The following COL4A4 variants were observed in gnomAD, a reference collection of about 807,000 sequenced individuals.
COL4A4 encodes collagen alpha-4(IV) chain.
Under a neutral mutation model 192.9 loss-of-function variants are expected in COL4A4, and 105 were observed. That is an observed-to-expected ratio of 0.54 (90% CI 0.46 to 0.64). The LOEUF (loss-of-function observed/expected upper bound fraction) is 0.64. Among genes scored for constraint, COL4A4 ranks in the 30% least tolerant of loss-of-function variants. The probability of loss-of-function intolerance (pLI) is 0.00; values close to 1 mark genes in which losing one functional copy is unlikely to be tolerated. For missense variants in COL4A4, 1,967 were observed against 2,169.3 expected, an observed-to-expected ratio of 0.91 and a Z score of 1.85; for synonymous variants, 762 against 769.9, an observed-to-expected ratio of 0.99 and a Z score of 0.17.
intron 1 of COL4A4, among the ~76,000 whole-genome samples, chr2:227,148,013 T>G (rs1418046393): frequency 6.6e-6 from 1 of 152,142 alleles, no homozygotes; most frequent in Non-Finnish European, 1.5e-5. Context: ...CATACATTTT[T>G]GTATATTTGT....
At chr2:226,997,393 G>T in the COL4A4 span, 12 of 152,042 alleles carry the variant, frequency 7.9e-5, no homozygotes, top group Non-Finnish European at 1.8e-4. Context: ...AACACATCTT[G>T]CCCCTATTAT....
At chr2:227,053,550 T>C (rs1273779789) in intron 31 of COL4A4, among the ~76,000 whole-genome samples, 14 of 143,062 alleles carry the variant, frequency 9.8e-5, no homozygotes, top group Non-Finnish European at 1.5e-4. Context: ...TTTCTTTTTT[T>C]TTTTTTTTTT....
intron 17 of COL4A4, 94 bp from the exon 18 acceptor site, chr2:227,099,783 T>G: frequency 9.4e-7 from 1 of 1,067,774 alleles, no homozygotes. Flanking sequence ...ATGTGCACAT[T>G]CATATAAGAA....
intron 44 of COL4A4, among the ~76,000 whole-genome samples, chr2:227,021,298 G>A (rs1340698497): frequency 6.6e-6 from 1 of 152,114 alleles, no homozygotes; most frequent in Non-Finnish European, 1.5e-5. Flanking sequence ...CTGCCAAAAC[G>A]TACAGCAAGA....
At chr2:227,117,659 AT>A (rs1403632730) in intron 7 of COL4A4, among the ~76,000 whole-genome samples, 1 of 151,798 alleles carries the variant, frequency 6.6e-6, no homozygotes, top group Non-Finnish European at 1.5e-5. Flanking sequence ...AAAAAAAAAA[AT>A]CACAGAAAAA....
chr2:227,060,101 G>GAAAAAACAAAAA, intron 27 of COL4A4, 35 bp downstream of exon 27: 1 of 503,760 alleles, frequency 2.0e-6, no homozygotes, highest in Non-Finnish European at 3.1e-6. Flanking sequence ...TCCCAAAGCA[G>GAAAAAACAAAAA]AAAAAAAAAA....
At chr2:227,020,884 T>C (rs910900215) in intron 44 of COL4A4, among the ~76,000 whole-genome samples, 6 of 146,124 alleles carry the variant, frequency 4.1e-5, no homozygotes, top group Non-Finnish European at 4.5e-5. Flanking sequence ...TTTTTTCTTT[T>C]TTTTTTTTTT....
chr2:226,969,112 A>C, the COL4A4 span: 1 of 185,842 alleles, frequency 5.4e-6, no homozygotes, highest in Non-Finnish European at 1.2e-5. Context: ...TACTCTTCCC[A>C]TGTCAGAACA....
In COL4A4 at chr2:227,101,875, G is replaced by A. The variant is rs1254001825; in HGVS notation, c.965C>T (p.Pro322Leu). The A allele has an allele frequency of 1.3e-6, 2 of 1,592,448 alleles. No homozygotes were observed. Among genetic ancestry groups the A allele is most frequent in the Middle Eastern group, 1.7e-4 (1 of 5,976 alleles). ...DPGSYGSPGF[P>L]GLKGELGLVG... ...ATGAGGTACATTTACCTTTAATCCT[G>A]GAAAACCTGGAGATCCATAGGAACC... Residue 322 changes from proline (P) to leucine (L), a missense_variant, in exon 16 of 48, where the codon CCA (proline) becomes CTA (leucine). Physicochemically the swap from Pro to Leu is moderately conservative, Grantham distance 98 (BLOSUM62 -3). Coordinates refer to ENST00000396625, the MANE Select transcript of COL4A4 (RefSeq NM_000092.5).
chr2:227,146,295 T>C (rs1329400282), intron 2 of COL4A4, among the ~76,000 whole-genome samples: 2 of 145,648 alleles, frequency 1.4e-5, no homozygotes, highest in Non-Finnish European at 3.0e-5. Context: ...TTTTTTTTTT[T>C]CTTTAAAAAA....
intron 4 of COL4A4, among the ~76,000 whole-genome samples, chr2:227,133,917 A>T (rs555225627): frequency 3.9e-5 from 6 of 152,168 alleles, no homozygotes; most frequent in South Asian, 4.1e-4. Flanking sequence ...AAAAGAATTT[A>T]AAAAAGAAAG....
At chr2:227,055,810 G>T in intron 30 of COL4A4, 135 bp downstream of exon 30, 1 of 762,664 alleles carries the variant, frequency 1.3e-6, no homozygotes, top group Non-Finnish European at 2.2e-6. Context: ...CAAGAGCAAG[G>T]GAGGCATCAT....
chr2:227,031,989 C>T lies in COL4A4; in HGVS notation c.3773G>A (p.Gly1258Asp), dbSNP rs1968521797. 2 of 1,613,972 alleles carry T rather than the reference C, an allele frequency of 1.2e-6. No individual in the cohort carries two copies. Among genetic ancestry groups the T allele is most frequent in the Non-Finnish European group, 1.7e-6 (2 of 1,179,878 alleles). ...GRAPKDIPDP[G>D]PPGDQGPPGP... ...AGGAGGTCCCTGATCTCCAGGTGGA[C>T]CCGGGTCAGGAATGTCCTTAGGAGC... The change falls in exon 40 of 48, where the codon GGT (glycine) becomes GAT (aspartate). Residue 1258 changes from glycine to aspartate, a missense_variant. Physicochemically the swap from Gly to Asp is moderately conservative, Grantham distance 94. Transcript: ENST00000396625.
intron 25 of COL4A4, among the ~76,000 whole-genome samples, chr2:227,067,053 C>A (rs923861986): frequency 1.8e-4 from 27 of 151,714 alleles, no homozygotes; most frequent in African/African-American, 5.8e-4. Flanking sequence ...CAAAAAAAGG[C>A]AGGGATTGCA....
chr2:227,147,247 G>T, intron 2 of COL4A4, 166 bp downstream of exon 2: 2 of 745,720 alleles, frequency 2.7e-6, no homozygotes, highest in East Asian at 5.2e-5. Flanking sequence ...TGAGAGGGTT[G>T]GTGTTCAATA....
the COL4A4 span, chr2:226,996,340 A>G: frequency 2.6e-5 from 4 of 152,360 alleles, no homozygotes; most frequent in South Asian, 2.1e-4. Context: ...CTAGAGATCT[A>G]TCTTGCAGAA....
chr2:227,090,581 C>A (rs115073696), intron 20 of COL4A4, among the ~76,000 whole-genome samples: 4 of 151,742 alleles, frequency 2.6e-5, no homozygotes, highest in Non-Finnish European at 4.4e-5. Context: ...AAACCCCCCC[C>A]ATCTCTGCAA....
At chr2:227,092,945 C>A (rs1444655219) in intron 20 of COL4A4, among the ~76,000 whole-genome samples, 1 of 152,070 alleles carries the variant, frequency 6.6e-6, no homozygotes, top group East Asian at 1.9e-4. Context: ...AGTATAGAGG[C>A]AAATAACAAA....
the COL4A4 span, among the ~76,000 whole-genome samples, chr2:226,979,606 G>A: frequency 6.6e-6 from 1 of 152,160 alleles, no homozygotes; most frequent in Admixed American, 6.5e-5. Context: ...GAGGAGAGAG[G>A]AAGAGCAAGA....
Sources: allele counts gnomAD v4.1 joint callset (sites outside exome capture counted in the v4.1 genomes callset), GRCh38; gene constraint gnomAD v4.1.1; transcripts MANE v1.5; gene names NCBI Gene and HGNC (gene_info 2026-07-23, HGNC 2026-07-21).